The following F5 variants were observed in gnomAD, a reference collection of about 807,000 sequenced individuals.
The protein encoded by F5 is activated protein c cofactor.
F5 carries 138 observed loss-of-function variants against 216.4 expected under a neutral mutation model. That is an observed-to-expected ratio of 0.64 (90% CI 0.56 to 0.73). The LOEUF (loss-of-function observed/expected upper bound fraction) is 0.73, where lower values mean the gene tolerates loss of function less well. Among genes scored for constraint, F5 ranks in the 30% least tolerant of loss-of-function variants. The probability of loss-of-function intolerance (pLI) is 0.00; values close to 1 mark genes in which losing one functional copy is unlikely to be tolerated. For synonymous variants in F5, 916 were observed against 930.7 expected (o/e 0.98, Z 0.29); for missense variants, 2,403 against 2,674.0 (o/e 0.90, Z 2.24).
chr1:169,536,695 C>T lies in F5; in HGVS notation c.4797-15G>A. 1 of 1,590,242 alleles carries T rather than the reference C, an allele frequency of 6.3e-7. No homozygotes were observed. The highest frequency in any genetic ancestry group is 8.6e-7 in the Non-Finnish European group (1 of 1,158,978). On this transcript the variant is annotated splice_polypyrimidine_tract_variant and intron_variant, in intron 13 of 24. Coordinates refer to ENST00000367797, the MANE Select transcript of F5 (RefSeq NM_000130.5). ...TATCTGTTTCCCTGAAATAATAATACTATTTGTGTAAAAGAAGAAATTAAA... is the reference window on the plus strand; with the variant it reads ...TATCTGTTTCCCTGAAATAATAATATTATTTGTGTAAAAGAAGAAATTAAA...
intron 8 of F5, among the ~76,000 whole-genome samples, chr1:169,551,380 G>A (rs1206874722): frequency 6.6e-6 from 1 of 152,242 alleles, no homozygotes; most frequent in Admixed American, 6.5e-5. Context: ...AGCCCAGGAA[G>A]TGGAGGTTGC....
Position 169,541,909 on chromosome 1 carries a change from C to A in F5, c.3181G>T (p.Glu1061Ter), listed in dbSNP as rs1659862197. 6.2e-7 allele frequency: 1 copy of A among 1,614,028 alleles called. No homozygotes were observed. The highest frequency in any genetic ancestry group is 1.7e-5 in the Admixed American group (1 of 59,998). The change falls in exon 13 of 25, where the codon GAA becomes TAA. Residue 1061 changes from glutamate to a stop codon, truncating the protein, a stop_gained. Transcript: ENST00000367797. LOFTEE classifies it high-confidence loss of function. ...ACCAACGAATGCTTAAGTCTTCTTT[C>A]TGAAAATGTGTTGTAGGCTTCACTT... ...LRSEAYNTFS[E>*]RRLKHSLVLH...
intron 11 of F5, 43 bp from the exon 12 acceptor site, chr1:169,544,551 A>G: frequency 5.9e-6 from 9 of 1,516,516 alleles, no homozygotes; most frequent in Non-Finnish European, 8.2e-6. Flanking sequence ...CTATGCCAAC[A>G]AAAGGGCATG....
Position 169,523,830 on chromosome 1 carries a change from C to G in F5, c.5863G>C (p.Ala1955Pro). Residue 1955 changes from alanine (A) to proline (P), a missense_variant, in exon 20 of 25, where the codon GCA becomes CCA. Around this residue, in one of 4 missense-constraint regions of F5, gnomAD observed 659 missense variants for 787.9 expected, o/e 0.84. Coordinates refer to ENST00000367797, the MANE Select transcript of F5 (RefSeq NM_000130.5). ...YNAWSVEKLA[A>P]EFASKPWIQV... The stretch of plus-strand genomic sequence containing the variant: ...ATCCAAGGTTTAGAGGCAAATTCTG[C>G]TGCAAGTTTTTCTACACTCCAAGCA... The G allele has an allele frequency of 6.2e-7, 1 of 1,613,862 alleles. No homozygotes were observed. Among genetic ancestry groups the G allele is most frequent in the Non-Finnish European group, 8.5e-7 (1 of 1,179,920 alleles).
intron 2 of F5, among the ~76,000 whole-genome samples, chr1:169,573,834 C>T (rs1328649976): frequency 6.6e-6 from 1 of 152,078 alleles, no homozygotes; most frequent in African/African-American, 2.4e-5. Flanking sequence ...GGATGAAGCA[C>T]AAATTCTGTC....
intron 14 of F5, among the ~76,000 whole-genome samples, chr1:169,532,825 A>G (rs1659620712): frequency 6.6e-6 from 1 of 152,102 alleles, no homozygotes; most frequent in Non-Finnish European, 1.5e-5. Flanking sequence ...CAGATTCAAC[A>G]CTATTTTTTA....
rs755556258 is a variant in F5, at chr1:169,541,987, C to T, written c.3103G>A (p.Glu1035Lys). ...FLIKTRKKKKEKHTHHAPLSP... is the reference protein window; with the variant it reads ...FLIKTRKKKKKKHTHHAPLSP... ...AAAGGAGCATGGTGTGTGTGCTTCT[C>T]TTTTTTCTTTTTTCGTGTCTTAATG... Residue 1035 changes from glutamate (E) to lysine (K), a missense_variant, in exon 13 of 25, where the codon GAG (glutamate) becomes AAG (lysine). By Grantham distance (56) the Glu-to-Lys change is moderately conservative (BLOSUM62 1). Transcript: ENST00000367797. 4 of 1,613,986 alleles carry T rather than the reference C, an allele frequency of 2.5e-6. No homozygotes were observed. The highest frequency in any genetic ancestry group is 3.4e-6 in the Non-Finnish European group (4 of 1,179,962).
At chr1:169,576,537 C>T (rs1308577592) in intron 2 of F5, among the ~76,000 whole-genome samples, 2 of 152,196 alleles carry the variant, frequency 1.3e-5, no homozygotes, top group East Asian at 3.9e-4. Context: ...GGGATCAGAA[C>T]TCAGATCTCT....
chr1:169,522,910 C>T (rs879675241), intron 21 of F5, among the ~76,000 whole-genome samples: 2 of 152,252 alleles, frequency 1.3e-5, no homozygotes, highest in Non-Finnish European at 2.9e-5. Flanking sequence ...TCTACTCTGC[C>T]GTATACCATT....
At chr1:169,565,900 G>A (rs918266671) in intron 3 of F5, among the ~76,000 whole-genome samples, 2 of 152,056 alleles carry the variant, frequency 1.3e-5, no homozygotes, top group Admixed American at 1.3e-4. Context: ...CTTTCACTTT[G>A]ATAATAAAAC....
chr1:169,515,720 AG>A (rs923341624), intron 23 of F5, 94 bp from the exon 24 acceptor site: 2 of 1,301,698 alleles, frequency 1.5e-6, no homozygotes, highest in Non-Finnish European at 2.2e-6. Flanking sequence ...AGAGCTCAAA[AG>A]GATTTTGTTC....
intron 21 of F5, 77 bp from the exon 22 acceptor site, chr1:169,520,741 TA>T: frequency 8.5e-7 from 1 of 1,180,706 alleles, no homozygotes; most frequent in Non-Finnish European, 1.2e-6. Context: ...TGATCTAATT[TA>T]ATATTGTAAT....
chr1:169,515,706 GCA>G, intron 23 of F5, 80 bp from the exon 24 acceptor site: 1 of 1,415,650 alleles, frequency 7.1e-7, no homozygotes, highest in Non-Finnish European at 9.8e-7. Context: ...ATGCAAAAAA[GCA>G]CAGAGCTCAA....
chr1:169,524,925 A>T lies in F5; in HGVS notation c.5717-17T>A. 6.3e-7 allele frequency: 1 copy of T among 1,599,274 alleles called. No individual in the cohort carries two copies. Among genetic ancestry groups the T allele is most frequent in the Non-Finnish European group, 8.6e-7 (1 of 1,167,234 alleles). ...TCCTACAGTCTATGAAAAACAGAAA[A>T]AAAATGAATAATTTTTGCTTAGAAA... On this transcript the variant is annotated splice_polypyrimidine_tract_variant and intron_variant, in intron 18 of 24. Transcript: ENST00000367797.
At chr1:169,563,817 A>G (rs949244990) in intron 3 of F5, among the ~76,000 whole-genome samples, 2 of 151,520 alleles carry the variant, frequency 1.3e-5, no homozygotes, top group African/African-American at 4.8e-5. Flanking sequence ...AAGATTTATG[A>G]TAGCTGTCTT....
intron 1 of F5, among the ~76,000 whole-genome samples, chr1:169,584,283 T>C (rs1228305044): frequency 6.6e-6 from 1 of 152,232 alleles, no homozygotes; most frequent in Admixed American, 6.5e-5. Context: ...ATAATCTATC[T>C]GATTAAAAAG....
intron 2 of F5, among the ~76,000 whole-genome samples, chr1:169,577,540 C>A (rs1660880734): frequency 8.1e-6 from 1 of 123,098 alleles, no homozygotes. Context: ...AGGTATGTAC[C>A]ACCATGTCTG....
intron 21 of F5, among the ~76,000 whole-genome samples, chr1:169,522,656 AGAG>A (rs958730463): frequency 2.0e-5 from 3 of 152,202 alleles, no homozygotes; most frequent in African/African-American, 7.2e-5. Flanking sequence ...AAGGGAATAG[AGAG>A]GAGGAGAAGA....
Position 169,560,560 on chromosome 1 carries a change from T to A in F5, c.580A>T (p.Lys194Ter). The A allele has an allele frequency of 6.2e-7, 1 of 1,613,514 alleles. No individual in the cohort carries two copies. Among genetic ancestry groups the A allele is most frequent in the Non-Finnish European group, 8.5e-7 (1 of 1,179,652 alleles). ...SGLIGPLLIC[K>*]KGTLTEGGTQ... Reference sequence around the variant, plus strand: ...TTGGTGGGGGTGTTCTTACCTTTTTTACAGATAAGCAGGGGCCCAATCAGC... The same window carrying A: ...TTGGTGGGGGTGTTCTTACCTTTTTAACAGATAAGCAGGGGCCCAATCAGC... Residue 194 changes from lysine (K) to a stop codon, truncating the protein, a stop_gained, in exon 4 of 25, where the codon AAA becomes TAA. Coordinates refer to ENST00000367797, the MANE Select transcript of F5 (RefSeq NM_000130.5). LOFTEE classifies it high-confidence loss of function.
Sources: gnomAD v4.1 joint callset for allele counts (sites outside exome capture counted in the v4.1 genomes callset) on GRCh38, gnomAD v4.1.1 for gene constraint, gnomAD v4.1.1 regional missense constraint, MANE v1.5 for transcripts, NCBI Gene and HGNC (gene_info 2026-07-23, HGNC 2026-07-21) for gene names.